ART3: variants seen among roughly 807,000 people sequenced by gnomAD.
ART3 encodes the protein ecto-ADP-ribosyltransferase 3.
ART3 carries 49 observed loss-of-function variants against 48.5 expected under a neutral mutation model. The observed-to-expected ratio is 1.01, with a 90% CI of 0.80 to 1.28. The LOEUF (loss-of-function observed/expected upper bound fraction) is 1.28. ART3 is among the 50% of genes most tolerant of loss of function. The pLI is 0.00. For missense variants in ART3, 438 were observed against 454.3 expected (o/e 0.96, Z 0.33); for synonymous variants, 145 against 157.2 (o/e 0.92, Z 0.58).
At chr4:76,011,523 T>A (rs1376895864) in intron 1 of ART3, among the ~76,000 whole-genome samples, 1 of 152,208 alleles carries the variant, frequency 6.6e-6, no homozygotes, top group African/African-American at 2.4e-5. Flanking sequence ...GCCAGGGCAC[T>A]GGGCTTAGGG....
intron 3 of ART3, among the ~76,000 whole-genome samples, chr4:76,095,731 A>G (rs1001113307): frequency 6.6e-6 from 1 of 152,148 alleles, no homozygotes; most frequent in Non-Finnish European, 1.5e-5. Context: ...GGAAAACTAC[A>G]CTTTGAGAAA....
At chr4:76,024,515 T>C (rs1345736142) in intron 1 of ART3, among the ~76,000 whole-genome samples, 1 of 152,218 alleles carries the variant, frequency 6.6e-6, no homozygotes, top group East Asian at 1.9e-4. Flanking sequence ...CATTCAATAG[T>C]ACTTGACTGA....
chr4:76,087,653 T>C (rs1465667697), intron 3 of ART3, among the ~76,000 whole-genome samples: 1 of 152,136 alleles, frequency 6.6e-6, no homozygotes, highest in African/African-American at 2.4e-5. Context: ...AAGATAAATA[T>C]ATATTGTGAG....
At chr4:76,032,086 A>C (rs1437423614) in intron 1 of ART3, among the ~76,000 whole-genome samples, 1 of 152,220 alleles carries the variant, frequency 6.6e-6, no homozygotes, top group Non-Finnish European at 1.5e-5. Flanking sequence ...GTTAATTATT[A>C]ATATTTCATA....
intron 1 of ART3, chr4:76,041,161 A>G (rs1249074412): frequency 6.6e-6 from 1 of 152,212 alleles, no homozygotes; most frequent in African/African-American, 2.4e-5. Context: ...GCCTTATTGT[A>G]GAAGTTAGTC....
intron 1 of ART3, among the ~76,000 whole-genome samples, chr4:76,049,843 G>A (rs6532143): frequency 0.62 from 93,467 of 151,538 alleles, 30,168 homozygotes; most frequent in East Asian, 0.94. Flanking sequence ...GAATGAAGCC[G>A]CGGACCCTCA....
chr4:76,106,707 C>A (rs952528903), intron 10 of ART3, among the ~76,000 whole-genome samples: 1 of 152,100 alleles, frequency 6.6e-6, no homozygotes, highest in Admixed American at 6.6e-5. Flanking sequence ...TGTATGAGGG[C>A]GAAGTTTGGG....
At position 76,081,910 on chromosome 4, in the gene ART3, T is replaced by A; in HGVS notation, c.156T>A (p.Val52=). 6.2e-7 allele frequency: 1 copy of A among 1,614,168 alleles called. No homozygotes were observed. The highest frequency in any genetic ancestry group is 1.1e-5 in the South Asian group (1 of 91,084). The change falls in exon 3 of 12, where the codon GTT becomes GTA. Residue 52 remains valine, a synonymous_variant. Coordinates refer to ENST00000355810, the MANE Select transcript of ART3 (RefSeq NM_001130016.3). ...KCTDRMEIKY[V]PQLLKEEKAS... The stretch of plus-strand genomic sequence containing the variant: ...CGGACAGGATGGAAATTAAATACGT[T>A]CCCCAACTGCTAAAGGAGGAAAAAG...
intron 1 of ART3, chr4:76,034,299 T>G (rs1421280686): frequency 2.5e-6 from 1 of 397,706 alleles, no homozygotes; most frequent in Non-Finnish European, 4.4e-6. Context: ...TTGACTCCAG[T>G]AATAATGTCA....
chr4:76,066,927 G>A (rs1310118002), intron 1 of ART3, among the ~76,000 whole-genome samples: 1 of 152,166 alleles, frequency 6.6e-6, no homozygotes, highest in East Asian at 1.9e-4. Flanking sequence ...GTGAGGGCAG[G>A]GGGGCCTTCC....
chr4:76,028,126 C>T (rs980009287), intron 1 of ART3, among the ~76,000 whole-genome samples: 1 of 152,058 alleles, frequency 6.6e-6, no homozygotes, highest in African/African-American at 2.4e-5. Flanking sequence ...GAGGGTTCTG[C>T]TCAGGGTAGA....
At chr4:76,042,783 T>A (rs1315246916) in intron 1 of ART3, among the ~76,000 whole-genome samples, 3 of 152,104 alleles carry the variant, frequency 2.0e-5, no homozygotes, top group Admixed American at 1.3e-4. Context: ...AGCAGCAAGA[T>A]TTATTGCAAA....
At chr4:76,025,988 A>G (rs1395038296) in intron 1 of ART3, among the ~76,000 whole-genome samples, 1 of 152,120 alleles carries the variant, frequency 6.6e-6, no homozygotes, top group Non-Finnish European at 1.5e-5. Context: ...AAGACCTCAA[A>G]CAACTTCCAG....
At chr4:76,101,168 T>C (rs1727231767) in intron 8 of ART3, 149 bp downstream of exon 8, 3 of 882,810 alleles carry the variant, frequency 3.4e-6, no homozygotes, top group Non-Finnish European at 5.2e-6. Context: ...GAGACTCTCC[T>C]GGGTTTCAGG....
intron 3 of ART3, among the ~76,000 whole-genome samples, chr4:76,087,921 A>G (rs1168814495): frequency 1.3e-5 from 2 of 152,214 alleles, no homozygotes; most frequent in Non-Finnish European, 2.9e-5. Context: ...AGCTACATCC[A>G]TTATCATTAA....
chr4:76,024,187 T>G (rs1238797249), intron 1 of ART3, among the ~76,000 whole-genome samples: 2 of 152,158 alleles, frequency 1.3e-5, no homozygotes, highest in African/African-American at 4.8e-5. Context: ...AGTCCCTGAA[T>G]GAAAACATCA....
At chr4:76,087,309 T>A (rs1452129936) in intron 3 of ART3, among the ~76,000 whole-genome samples, 1 of 152,172 alleles carries the variant, frequency 6.6e-6, no homozygotes, top group Non-Finnish European at 1.5e-5. Context: ...TAGGGAGCTA[T>A]GACAGTCAGC....
intron 1 of ART3, among the ~76,000 whole-genome samples, chr4:76,026,324 T>C (rs946330199): frequency 1.3e-5 from 2 of 152,172 alleles, no homozygotes; most frequent in Admixed American, 6.5e-5. Context: ...AATGTCTGTT[T>C]CTCCATGCTA....
chr4:76,078,267 G>A (rs1454180770), intron 2 of ART3, among the ~76,000 whole-genome samples: 1 of 151,966 alleles, frequency 6.6e-6, no homozygotes, highest in Non-Finnish European at 1.5e-5. Context: ...AAGACTTGAT[G>A]TCTAAAATTA....
Sources: gnomAD v4.1 joint callset for allele counts (sites outside exome capture counted in the v4.1 genomes callset) on GRCh38, gnomAD v4.1.1 for gene constraint, MANE v1.5 for transcripts, NCBI Gene and HGNC (gene_info 2026-07-23, HGNC 2026-07-21) for gene names.